Variants in FAAP100 observed in about 807,000 individuals in gnomAD.
FAAP100 encodes the protein FA core complex associated protein 100, also known as Fanconi anemia core complex-associated protein 100.
FAAP100 carries 46 observed loss-of-function variants against 65.8 expected under a neutral mutation model. The ratio of observed to expected loss-of-function variants is 0.70; its 90% CI spans 0.55 to 0.89. FAAP100 has a LOEUF of 0.89. FAAP100 is among the 40% of genes least tolerant of loss of function. The probability of loss-of-function intolerance (pLI) is 0.00; values close to 1 mark genes in which losing one functional copy is unlikely to be tolerated. For synonymous variants in FAAP100, 663 were observed against 555.1 expected, an observed-to-expected ratio of 1.19 and a Z score of -2.73; for missense variants, 1,165 against 1,196.7, an observed-to-expected ratio of 0.97 and a Z score of 0.39.
chr17:81,552,338 G>C lies in FAAP100; in HGVS notation c.-8C>G. 7.3e-7 allele frequency: 1 copy of C among 1,370,354 alleles called. No individual in the cohort carries two copies. The highest frequency in any genetic ancestry group is 3.9e-5 in the Admixed American group (1 of 25,444). 84.9% of individuals were successfully genotyped at this position (1,370,354 alleles called of 1,614,324 possible). On this transcript the variant is annotated 5_prime_UTR_variant, in exon 1 of 9. Coordinates refer to ENST00000327787, the MANE Select transcript of FAAP100 (RefSeq NM_025161.6). ...CGGCGCGGCGCCGGCCATCGTGCGC[G>C]CGGGCCCGTCAGAGTGAGAAGCCCC...
At position 81,547,305 on chromosome 17, in the gene FAAP100, C is replaced by T. The variant is rs761492226; in HGVS notation, c.1777G>A (p.Asp593Asn). 15 of 1,611,944 alleles carry T rather than the reference C, an allele frequency of 9.3e-6. No individual in the cohort carries two copies. Among genetic ancestry groups the T allele is most frequent in the African/African-American group, 1.3e-5 (1 of 74,928 alleles). ...GTGCAGGACACGGTCACGGGCAGGT[C>T]GAGCCCGCCGTTCTCACCAGGGCCC... Reference protein sequence around the residue: ...PLGPGENGGLDLPVTVSCTLF... With the variant: ...PLGPGENGGLNLPVTVSCTLF... Residue 593 changes from aspartate (D) to asparagine (N), a missense_variant, in exon 5 of 9, where the codon GAC (aspartate) becomes AAC (asparagine). Asp to Asn is a conservative substitution (Grantham distance 23, BLOSUM62 1). Transcript: ENST00000327787.
chr17:81,541,244 G>A, intron 8 of FAAP100, 65 bp downstream of exon 8: 1 of 1,485,572 alleles, frequency 6.7e-7, no homozygotes, highest in Non-Finnish European at 9.2e-7. Flanking sequence ...ACTAGAGGGG[G>A]GCCTGGCGAT....
At chr17:81,541,056 A>G (rs541714175) in intron 8 of FAAP100, 106 bp from the exon 9 acceptor site, 3 of 1,372,192 alleles carry the variant, frequency 2.2e-6, no homozygotes, top group South Asian at 3.0e-5. Flanking sequence ...GGGAAGTGGC[A>G]GGTGGTCCGA....
At position 81,550,618 on chromosome 17, in the gene FAAP100, T is replaced by C. The variant is rs772724959; in HGVS notation, c.876A>G (p.Pro292=). Residue 292 remains proline, a synonymous_variant, in exon 3 of 9, where the codon CCA becomes CCG. Transcript: ENST00000327787. ...VIFIGALKTE[P]QAAEAAENFL... Reference sequence around the variant, plus strand: ...AATTCTCTGCAGCTTCTGCAGCCTGTGGCTCTGTCTTCAAGGCCCCTATGA... The same window carrying C: ...AATTCTCTGCAGCTTCTGCAGCCTGCGGCTCTGTCTTCAAGGCCCCTATGA... 2.5e-6 allele frequency: 4 copies of C among 1,612,992 alleles called. No homozygotes were observed. Among genetic ancestry groups the C allele is most frequent in the East Asian group, 2.2e-5 (1 of 44,876 alleles).
At position 81,552,149 on chromosome 17, in the gene FAAP100, C is replaced by G; in HGVS notation, c.165+17G>C. The G allele has an allele frequency of 1.3e-6, 2 of 1,487,932 alleles. No homozygotes were observed. The highest frequency in any genetic ancestry group is 1.8e-6 in the Non-Finnish European group (2 of 1,126,722). 92.2% of individuals were successfully genotyped at this position (1,487,932 alleles called of 1,614,324 possible). ...GCCCCCGCCCGGTCCCTCCCGCCCC[C>G]GCGGGCCGGCGCTCACGGTCAGCAG... On this transcript the variant is annotated intron_variant, in intron 1 of 8. Transcript: ENST00000327787.
intron 6 of FAAP100, among the ~76,000 whole-genome samples, chr17:81,544,339 T>C (rs1323389280): frequency 1.3e-5 from 2 of 152,238 alleles, no homozygotes; most frequent in Non-Finnish European, 2.9e-5. Context: ...GGCAAGAACC[T>C]GCTCTGTACC....
Position 81,540,382 on chromosome 17 carries a change from G to C in FAAP100, c.*437C>G, listed in dbSNP as rs1354684046. ...CCCAGAGGGGCAGCCGGTGCTCCTG[G>C]TGGTGTGGCAGCAACAGTTACAAAC... is the stretch of plus-strand genomic sequence containing the variant. On this transcript the variant is annotated 3_prime_UTR_variant, in exon 9 of 9. Coordinates refer to ENST00000327787, the MANE Select transcript of FAAP100 (RefSeq NM_025161.6). 7 of 401,660 alleles carry C rather than the reference G, an allele frequency of 1.7e-5. No homozygotes were observed. Among genetic ancestry groups the C allele is most frequent in the Non-Finnish European group, 3.1e-5 (7 of 227,970 alleles). The allele number at this position is 401,660 out of a possible 1,614,324, so 24.9% of individuals were successfully genotyped here.
chr17:81,542,127 A>C (rs1379385705), intron 7 of FAAP100, among the ~76,000 whole-genome samples: 11 of 127,138 alleles, frequency 8.7e-5, no homozygotes, highest in African/African-American at 3.4e-4. Context: ...AGATCCCGCC[A>C]CTGCACTCCA....
chr17:81,544,869 T>C (rs2033244158), intron 6 of FAAP100, among the ~76,000 whole-genome samples: 1 of 152,190 alleles, frequency 6.6e-6, no homozygotes, highest in Non-Finnish European at 1.5e-5. Flanking sequence ...CGAGGCTTGA[T>C]TCCAAGTGCA....
chr17:81,551,735 G>T, intron 2 of FAAP100, 193 bp downstream of exon 2: 1 of 1,355,058 alleles, frequency 7.4e-7, no homozygotes, highest in Non-Finnish European at 9.4e-7. Flanking sequence ...CACTTACTAA[G>T]GACTGTGAGC....
In FAAP100 at chr17:81,551,219, C is replaced by T. The variant is rs745604986; in HGVS notation, c.291-16G>A. 1.7e-5 allele frequency: 26 copies of T among 1,500,738 alleles called. No individual in the cohort carries two copies. Among genetic ancestry groups the T allele is most frequent in the South Asian group, 1.4e-4 (11 of 76,664 alleles). The allele number at this position is 1,500,738 out of a possible 1,614,324, so 93.0% of individuals were successfully genotyped here. ...GCTCGTAGACCTTTGAGAACAGGGA[C>T]GCACTGGTCAGGCCTGGGCAGGGTG... On this transcript the variant is annotated splice_polypyrimidine_tract_variant and intron_variant, in intron 2 of 8. Coordinates refer to ENST00000327787, the MANE Select transcript of FAAP100 (RefSeq NM_025161.6).
chr17:81,546,173 C>T (rs1041882863), intron 5 of FAAP100, among the ~76,000 whole-genome samples: 2 of 152,244 alleles, frequency 1.3e-5, no homozygotes, highest in Admixed American at 6.5e-5. Flanking sequence ...TCCTGGGAGC[C>T]GATGTTAGGA....
chr17:81,541,779 G>A (rs1177809716), intron 7 of FAAP100, among the ~76,000 whole-genome samples: 4 of 152,110 alleles, frequency 2.6e-5, no homozygotes, highest in Admixed American at 1.3e-4. Context: ...GAGCTGCCTC[G>A]GCGTCTTGTG....
Position 81,551,088 on chromosome 17 carries a change from G to A in FAAP100, c.406C>T (p.Leu136=), listed in dbSNP as rs563542146. 4.4e-6 allele frequency: 7 copies of A among 1,573,966 alleles called. No homozygotes were observed. The East Asian group carries it at 1.2e-4, about 27-fold the overall frequency. The change falls in exon 3 of 9, where the codon CTG becomes TTG. Residue 136 remains leucine (L), a synonymous_variant. Transcript: ENST00000327787. ...ACCAGGGTGACCAGCACACTGTCCA[G>A]CAAGGTGAACGCGCACAGCGCAGCA... ...PDAALCAFTL[L]DSVLVTLVQG...
rs1022879642 is a variant in FAAP100, at chr17:81,547,539, T to C, written c.1543A>G (p.Ser515Gly). 6.2e-7 allele frequency: 1 copy of C among 1,613,428 alleles called. No homozygotes were observed. The highest frequency in any genetic ancestry group is 8.5e-7 in the Non-Finnish European group (1 of 1,180,002). ...PISCTTSTTW[S>G]RLQTQDVLMA... ...AGCACATCCTGTGTCTGCAGGCGGC[T>C]CCAGGTGGTGCTGGTGGTGCAGGAG... is the stretch of plus-strand genomic sequence containing the variant. Residue 515 changes from serine to glycine, a missense_variant, in exon 5 of 9, where the codon AGC (serine) becomes GGC (glycine). By Grantham distance (56) the Ser-to-Gly change is moderately conservative. Transcript: ENST00000327787.
chr17:81,550,432 C>G lies in FAAP100; in HGVS notation c.1062G>C (p.Gly354=). The G allele has an allele frequency of 1.2e-6, 2 of 1,612,530 alleles. No individual in the cohort carries two copies. The highest frequency in any genetic ancestry group is 2.2e-5 in the East Asian group (1 of 44,878). The change falls in exon 3 of 9, where the codon GGG becomes GGC. Residue 354 remains glycine, a synonymous_variant. Coordinates refer to ENST00000327787, the MANE Select transcript of FAAP100 (RefSeq NM_025161.6). ...GGGTGCTGTGGTACACGCGGCCACC[C>G]CCGCCACAGGCAGCGCAGAGCACAG... ...PGPVLCAACG[G]GGRVYHSTPS... is the part of the protein sequence containing the mutation.
intron 6 of FAAP100, 96 bp from the exon 7 acceptor site, chr17:81,544,216 G>C: frequency 5.1e-6 from 5 of 972,168 alleles, no homozygotes; most frequent in Non-Finnish European, 8.0e-6. Flanking sequence ...GGCAGCACGT[G>C]AGGCCCTGAG....
intron 2 of FAAP100, 22 bp downstream of exon 2, chr17:81,551,906 G>GA (rs2033508620): frequency 6.5e-7 from 1 of 1,533,442 alleles, no homozygotes. Flanking sequence ...GTGCGGGAGG[G>GA]AGGCCGCGGG....
intron 2 of FAAP100, 70 bp downstream of exon 2, chr17:81,551,858 G>A (rs2033506759): frequency 3.5e-6 from 5 of 1,444,624 alleles, no homozygotes; most frequent in Non-Finnish European, 4.5e-6. Context: ...GATGAGGTGG[G>A]GCTGCTCGCT....
Sources: gnomAD v4.1 joint callset for allele counts (sites outside exome capture counted in the v4.1 genomes callset) on GRCh38, gnomAD v4.1.1 for gene constraint, MANE v1.5 for transcripts, NCBI Gene and HGNC (gene_info 2026-07-23, HGNC 2026-07-21) for gene names.